AP2A2: variants seen among roughly 807,000 people sequenced by gnomAD.
AP2A2 encodes AP-2 complex subunit alpha-2.
Under a neutral mutation model 104.2 loss-of-function variants are expected in AP2A2, and 32 were observed. The ratio of observed to expected loss-of-function variants is 0.31; its 90% CI spans 0.23 to 0.41. AP2A2 has a LOEUF of 0.41. Among genes scored for constraint, AP2A2 ranks in the 10% least tolerant of loss-of-function variants. The pLI, the probability that AP2A2 is intolerant of heterozygous loss-of-function variation, is 1.00. For synonymous variants in AP2A2, 539 were observed against 533.3 expected, an observed-to-expected ratio of 1.01 and a Z score of -0.15; for missense variants, 912 against 1,261.0, an observed-to-expected ratio of 0.72 and a Z score of 4.19.
At chr11:938,946 TAAA>T (rs1210964372) in intron 1 of AP2A2, among the ~76,000 whole-genome samples, 5 of 152,086 alleles carry the variant, frequency 3.3e-5, no homozygotes, top group Non-Finnish European at 5.9e-5. Flanking sequence ...TTTAAAAGAT[TAAA>T]AAAGTTAAAG....
intron 7 of AP2A2, among the ~76,000 whole-genome samples, chr11:985,087 G>A (rs1410440450): frequency 1.3e-5 from 2 of 152,136 alleles, no homozygotes; most frequent in African/African-American, 2.4e-5. Context: ...GGGTTCAAGC[G>A]ATTCTCCCAC....
At chr11:1,005,265 C>T (rs1232375868) in intron 16 of AP2A2, among the ~76,000 whole-genome samples, 1 of 152,248 alleles carries the variant, frequency 6.6e-6, no homozygotes, top group African/African-American at 2.4e-5. Flanking sequence ...CTGTGTGGCT[C>T]CACTCATGCG....
At chr11:1,010,037 T>C (rs1856367771) in intron 21 of AP2A2, 2 of 556,900 alleles carry the variant, frequency 3.6e-6, no homozygotes, top group Admixed American at 3.1e-5. Context: ...ACAGATGTTG[T>C]GTGCCTGTTT....
In AP2A2 at chr11:992,995, C is replaced by T. The variant is rs996588507; in HGVS notation, c.1453-289C>T. ...CCCTGTCCGTCGGAGAGGGTTAGGC[C>T]ACCGGCAAGGGGTGTGCCATGAGGA... On this transcript the variant is annotated intron_variant, in intron 11 of 21. Transcript: ENST00000448903. This position sits in a 1 kb window ranked among gnomAD's most constrained non-coding sequence, Gnocchi z 6.4. Among the ~76,000 whole-genome samples the T allele has an allele frequency of 1.3e-5, 2 of 152,184 alleles. No homozygotes were observed. Among genetic ancestry groups the T allele is most frequent in the Non-Finnish European group, 2.9e-5 (2 of 68,028 alleles).
chr11:949,206 GC>G lies in AP2A2; in HGVS notation c.68-10230del, dbSNP rs141955018. On this transcript the variant is annotated intron_variant, in intron 1 of 21. Coordinates refer to ENST00000448903, the MANE Select transcript of AP2A2 (RefSeq NM_012305.4). ...CAGGAGAATCGCTTGAAACCGAGAG[GC>G]GGAGGTTGCAGTGAGCCGAGATCAT... Among the ~76,000 whole-genome samples, 1,152 of 152,172 alleles carry G rather than the reference GC, an allele frequency of 7.6e-3. 22 individuals are homozygous for G. Among genetic ancestry groups the G allele is most frequent in the African/African-American group, 0.026 (1,099 of 41,498 alleles).
rs1453639609 is a variant in AP2A2, at chr11:1,011,673, G to T, written c.*1048G>T. On this transcript the variant is annotated 3_prime_UTR_variant, in exon 22 of 22. Coordinates refer to ENST00000448903, the MANE Select transcript of AP2A2 (RefSeq NM_012305.4). ...GGGCCTTGCGCTCTGTCCCCAGGAT[G>T]GTGGCCTTGTTTGTCCTAAACACAC... 1.4e-5 allele frequency: 5 copies of T among 353,902 alleles called. No homozygotes were observed. In the Admixed American group the frequency reaches 1.9e-4, roughly 14 times the overall value. 21.9% of individuals were successfully genotyped at this position (353,902 alleles called of 1,614,324 possible). A position where few individuals can be genotyped will look rare whatever the true frequency, so the allele number is the denominator to read the frequency against.
rs1184378823 is a variant in AP2A2, at chr11:1,009,082, T to G, written c.2421-18T>G. The G allele has an allele frequency of 6.3e-7, 1 of 1,591,756 alleles. No individual in the cohort carries two copies. Among genetic ancestry groups the G allele is most frequent in the African/African-American group, 1.3e-5 (1 of 74,418 alleles). Reference sequence around the variant, plus strand: ...GGAGTAGCTGACTGTCTCTTTCTGCTGCTGCTGCTGCTGGCAGGTATGGGG... The same window carrying G: ...GGAGTAGCTGACTGTCTCTTTCTGCGGCTGCTGCTGCTGGCAGGTATGGGG... On this transcript the variant is annotated intron_variant, in intron 18 of 21. Transcript: ENST00000448903.
intron 8 of AP2A2, 65 bp downstream of exon 8, chr11:985,647 C>A: frequency 1.3e-6 from 2 of 1,596,854 alleles, no homozygotes; most frequent in Non-Finnish European, 1.7e-6. Context: ...CTCGTTGGCA[C>A]GAGACTGGGC....
chr11:947,762 G>A (rs560897193), intron 1 of AP2A2, among the ~76,000 whole-genome samples: 4 of 151,728 alleles, frequency 2.6e-5, no homozygotes, highest in African/African-American at 9.7e-5. Context: ...CCAGGAGTTC[G>A]AGAGCCTGGG....
At chr11:987,990 T>G (rs1855519906) in intron 9 of AP2A2, among the ~76,000 whole-genome samples, 2 of 152,372 alleles carry the variant, frequency 1.3e-5, no homozygotes, top group South Asian at 2.1e-4. Flanking sequence ...GGTGTTTGTT[T>G]TAGTCAATCC....
chr11:938,927 C>G (rs1197790729), intron 1 of AP2A2, among the ~76,000 whole-genome samples: 2 of 152,054 alleles, frequency 1.3e-5, no homozygotes, highest in Non-Finnish European at 2.9e-5. Flanking sequence ...CTTGTCCTTA[C>G]TTAAATGTTT....
At chr11:973,542 C>T (rs10902256) in intron 4 of AP2A2, among the ~76,000 whole-genome samples, 54,807 of 152,056 alleles carry the variant, frequency 0.36, 10,626 homozygotes, top group Admixed American at 0.49. Flanking sequence ...GCAGAACCAC[C>T]GAGCCGGGGG....
chr11:973,310 G>GCACCCCACACCACTCAGGATGCTC (rs1854898400), intron 4 of AP2A2, among the ~76,000 whole-genome samples: 1 of 152,168 alleles, frequency 6.6e-6, no homozygotes, highest in Admixed American at 6.5e-5. Flanking sequence ...CCAGGGTGCT[G>GCACCCCACACCACTCAGGATGCTC]CACCCCACAC....
chr11:940,653 C>A, intron 1 of AP2A2: 1 of 358,570 alleles, frequency 2.8e-6, no homozygotes, highest in Non-Finnish European at 5.5e-6. Flanking sequence ...GCGTTTCCTT[C>A]TGTGCATTGT....
At chr11:943,314 G>GGTAT (rs1270761120) in intron 1 of AP2A2, 1 of 152,204 alleles carries the variant, frequency 6.6e-6, no homozygotes, top group Non-Finnish European at 1.5e-5. Context: ...GCAAGCAGGG[G>GGTAT]GTATGTGACT....
chr11:983,279 C>T (rs1014154431), intron 6 of AP2A2, among the ~76,000 whole-genome samples: 4 of 152,040 alleles, frequency 2.6e-5, no homozygotes, highest in Non-Finnish European at 5.9e-5. Flanking sequence ...CCTGCCTTGG[C>T]CTCCCACAGT....
intron 10 of AP2A2, chr11:988,892 G>C (rs1189147394): frequency 1.5e-6 from 1 of 659,944 alleles, no homozygotes; most frequent in African/African-American, 1.8e-5. Flanking sequence ...CTACTCCTGA[G>C]GTGGAGGCGG....
rs1319967106 is a variant in AP2A2 at position 969,215 on chromosome 11, C to T, written c.137-954C>T. On this transcript the variant is annotated intron_variant, in intron 2 of 21. Transcript: ENST00000448903. ...GATAGAAACTCCTGGCAATGTAGAA[C>T]AGCCCTTTTTTTTTTTTTTTTTTTT... Among the ~76,000 whole-genome samples the T allele has an allele frequency of 5.5e-5, 5 of 90,278 alleles. 1 individual carries two copies. The highest frequency in any genetic ancestry group is 1.7e-4 in the Admixed American group (1 of 5,808). 59.2% of individuals were successfully genotyped at this position (90,278 alleles called of 152,430 possible).
chr11:933,263 G>A (rs563239799), intron 1 of AP2A2, among the ~76,000 whole-genome samples: 1 of 151,752 alleles, frequency 6.6e-6, no homozygotes, highest in South Asian at 2.1e-4. Flanking sequence ...GTAAGACTCC[G>A]TCTCAAAAAC....
Sources: gnomAD v4.1 joint callset for allele counts (sites outside exome capture counted in the v4.1 genomes callset) on GRCh38, gnomAD v4.1.1 for gene constraint, Gnocchi (gnomAD v3.1) non-coding constraint, MANE v1.5 for transcripts, NCBI Gene and HGNC (gene_info 2026-07-23, HGNC 2026-07-21) for gene names.